Variants in CAMSAP1 observed in about 807,000 individuals in gnomAD.
CAMSAP1 encodes the protein calmodulin-regulated spectrin-associated protein 1.
In CAMSAP1, 58 loss-of-function variants were observed where a neutral mutation model predicts 143.5. The observed-to-expected ratio is 0.40, with a 90% CI of 0.33 to 0.50. The LOEUF (loss-of-function observed/expected upper bound fraction) is 0.50, where lower values mean the gene tolerates loss of function less well. CAMSAP1 is among the 20% of genes least tolerant of loss of function. The pLI, the probability that CAMSAP1 is intolerant of heterozygous loss-of-function variation, is 0.45. For synonymous variants in CAMSAP1, 945 were observed against 859.3 expected (o/e 1.10, Z -1.74); for missense variants, 1,969 against 2,115.7 (o/e 0.93, Z 1.36).
chr9:135,831,103 C>T (rs947909206), intron 7 of CAMSAP1, among the ~76,000 whole-genome samples: 14 of 151,996 alleles, frequency 9.2e-5, no homozygotes, highest in African/African-American at 2.7e-4. Context: ...ACCTGGGAGG[C>T]GGAGGCTGCA....
In CAMSAP1 at chr9:135,818,181, C is replaced by T; in HGVS notation, c.4169-102G>A. ...CTCACCTCGCCCTGCAGAGCTCGGC[C>T]ACACAGGCCGCGTCCCCACCCCATC... On this transcript the variant is annotated intron_variant, in intron 13 of 16. Coordinates refer to ENST00000389532, the MANE Select transcript of CAMSAP1 (RefSeq NM_015447.4). The surrounding 1 kb of genome is among the most constrained non-coding windows in gnomAD (Gnocchi z 7.7). 7.6e-7 allele frequency: 1 copy of T among 1,307,854 alleles called. No homozygotes were observed. Among genetic ancestry groups the T allele is most frequent in the Non-Finnish European group, 1.1e-6 (1 of 939,336 alleles). 81.0% of individuals were successfully genotyped at this position (1,307,854 alleles called of 1,614,324 possible).
chr9:135,840,086 G>A (rs1836284628), intron 7 of CAMSAP1, among the ~76,000 whole-genome samples: 1 of 152,180 alleles, frequency 6.6e-6, no homozygotes, highest in African/African-American at 2.4e-5. Flanking sequence ...TAACTACAAT[G>A]GACCCCTTGC....
chr9:135,811,255 C>A lies in CAMSAP1; in HGVS notation c.*54G>T. On this transcript the variant is annotated 3_prime_UTR_variant, in exon 17 of 17. Transcript: ENST00000389532. This position sits in a 1 kb window ranked among gnomAD's most constrained non-coding sequence, Gnocchi z 4.9. The stretch of plus-strand genomic sequence containing the variant: ...CGTGGCACCCTCTGGATGCCAGCCA[C>A]AAGGGCATCATTTACGAGTCTGGGT... The A allele has an allele frequency of 6.4e-7, 1 of 1,566,554 alleles. No homozygotes were observed. Among genetic ancestry groups the A allele is most frequent in the Non-Finnish European group, 8.7e-7 (1 of 1,152,976 alleles).
At chr9:135,897,687 A>G (rs1359230387) in intron 1 of CAMSAP1, among the ~76,000 whole-genome samples, 2 of 152,174 alleles carry the variant, frequency 1.3e-5, no homozygotes, top group Non-Finnish European at 2.9e-5. Context: ...AGATGATATC[A>G]ATGACTTACG....
chr9:135,817,544 C>T (rs1835273898), intron 14 of CAMSAP1, among the ~76,000 whole-genome samples: 1 of 151,764 alleles, frequency 6.6e-6, no homozygotes, highest in Admixed American at 6.6e-5. Flanking sequence ...GGTGCATGCC[C>T]CCACACCCAG....
At position 135,867,674 on chromosome 9, in the gene CAMSAP1, A is replaced by G. The variant is rs1435738858; in HGVS notation, c.586-1138T>C. On this transcript the variant is annotated intron_variant, in intron 3 of 16. Coordinates refer to ENST00000389532, the MANE Select transcript of CAMSAP1 (RefSeq NM_015447.4). ...ACTAACATTTTAAAGGAAAATATAA[A>G]TTACCAAAAAATCAAGAAGACTAAA... is the stretch of plus-strand genomic sequence containing the variant. 2.6e-5 allele frequency among the ~76,000 whole-genome samples: 4 copies of G among 152,356 alleles called. No homozygotes were observed. In the South Asian group the frequency reaches 6.2e-4, roughly 24 times the overall value.
chr9:135,850,051 G>T, intron 7 of CAMSAP1, 86 bp downstream of exon 7: 2 of 1,110,854 alleles, frequency 1.8e-6, no homozygotes, highest in African/African-American at 1.6e-5. Flanking sequence ...TGCTGTGCGA[G>T]AAACATGGAA....
intron 7 of CAMSAP1, among the ~76,000 whole-genome samples, chr9:135,843,594 G>A (rs926391467): frequency 2.0e-5 from 3 of 151,976 alleles, no homozygotes; most frequent in Admixed American, 6.6e-5. Context: ...AGAGCTGGCA[G>A]GGCGCAGTGG....
chr9:135,838,936 G>A (rs1320101639), intron 7 of CAMSAP1, among the ~76,000 whole-genome samples: 2 of 150,864 alleles, frequency 1.3e-5, no homozygotes, highest in Non-Finnish European at 3.0e-5. Flanking sequence ...CCATTCTTCA[G>A]AGACATATCA....
rs570968728 is a variant in CAMSAP1 at position 135,897,331 on chromosome 9, T to C, written c.160+9669A>G. Among the ~76,000 whole-genome samples the C allele has an allele frequency of 5.3e-5, 8 of 152,186 alleles. No homozygotes were observed. The East Asian group carries it at 1.5e-3, about 29-fold the overall frequency. ...ACCACACCCAGCTAATTCTTTTTTTTAATGTGGATCCTAGGTCTTGCTATG... is the reference window on the plus strand; with the variant it reads ...ACCACACCCAGCTAATTCTTTTTTTCAATGTGGATCCTAGGTCTTGCTATG... On this transcript the variant is annotated intron_variant, in intron 1 of 16. Transcript: ENST00000389532.
chr9:135,907,026 C>A lies in CAMSAP1; in HGVS notation c.134G>T (p.Trp45Leu). Reference sequence around the variant, plus strand: ...TCGGCCGTAGGCCTTGGCGCAGATCCACTGCAGGTTGGCGGCGATCTTGGC... The same window carrying A: ...TCGGCCGTAGGCCTTGGCGCAGATCAACTGCAGGTTGGCGGCGATCTTGGC... ...ARAKIAANLQ[W>L]ICAKAYGRDN... The change falls in exon 1 of 17, where the codon TGG becomes TTG. Residue 45 changes from tryptophan to leucine, a missense_variant. Physicochemically the swap from Trp to Leu is moderately conservative, Grantham distance 61. Transcript: ENST00000389532. 8.4e-7 allele frequency: 1 copy of A among 1,190,078 alleles called. No individual in the cohort carries two copies. The highest frequency in any genetic ancestry group is 1.1e-6 in the Non-Finnish European group (1 of 949,062). The allele number at this position is 1,190,078 out of a possible 1,614,324, so 73.7% of individuals were successfully genotyped here.
intron 5 of CAMSAP1, among the ~76,000 whole-genome samples, chr9:135,859,129 T>G (rs750452717): frequency 6.6e-6 from 1 of 152,208 alleles, no homozygotes. Context: ...AGTTGGTGAG[T>G]TCTCACTTTA....
chr9:135,820,350 T>C lies in CAMSAP1; in HGVS notation c.3822+489A>G, dbSNP rs1239573619. Among the ~76,000 whole-genome samples the C allele has an allele frequency of 6.6e-6, 1 of 152,200 alleles. No individual in the cohort carries two copies. The highest frequency in any genetic ancestry group is 2.4e-5 in the African/African-American group (1 of 41,444). ...CACTGACTATTAAAACAGTTCAGTT[T>C]ACGCTTCCCTTCATATCTAAGGAAA... is the stretch of plus-strand genomic sequence containing the variant. On this transcript the variant is annotated intron_variant, in intron 11 of 16. Coordinates refer to ENST00000389532, the MANE Select transcript of CAMSAP1 (RefSeq NM_015447.4). This position sits in a 1 kb window ranked among gnomAD's most constrained non-coding sequence, Gnocchi z 4.4.
chr9:135,825,980 G>A, intron 8 of CAMSAP1: 1 of 152,566 alleles, frequency 6.6e-6, no homozygotes. Context: ...ATGGCACAGG[G>A]ACCTGTGTCA....
At chr9:135,827,865 C>A (rs1835732705) in intron 7 of CAMSAP1, among the ~76,000 whole-genome samples, 1 of 152,240 alleles carries the variant, frequency 6.6e-6, no homozygotes, top group Non-Finnish European at 1.5e-5. Context: ...CACCGTCTAG[C>A]ACCCGCACAA....
Position 135,822,904 on chromosome 9 carries a change from T to A in CAMSAP1, c.1757A>T (p.Lys586Met). Residue 586 changes from lysine to methionine, a missense_variant, in exon 11 of 17, where the codon AAG becomes ATG. Coordinates refer to ENST00000389532, the MANE Select transcript of CAMSAP1 (RefSeq NM_015447.4). This position sits in a 1 kb window ranked among gnomAD's most constrained non-coding sequence, Gnocchi z 6.1. ...AGGCTCCAAGAAAAAACTGTCAGGC[T>A]TACTTTCCGAGGTGTCCAGCTGTCC... ...PQGQLDTSES[K>M]PDSFFLEPLM... 6.2e-7 allele frequency: 1 copy of A among 1,613,932 alleles called. No homozygotes were observed. Among genetic ancestry groups the A allele is most frequent in the Non-Finnish European group, 8.5e-7 (1 of 1,179,870 alleles).
At chr9:135,855,183 G>C (rs141363097) in intron 5 of CAMSAP1, among the ~76,000 whole-genome samples, 208 of 152,086 alleles carry the variant, frequency 1.4e-3, no homozygotes, top group African/African-American at 4.6e-3. Flanking sequence ...GTAGAGACAG[G>C]GTTTCACCTT....
chr9:135,836,896 C>T (rs886518978), intron 7 of CAMSAP1: 5 of 984,282 alleles, frequency 5.1e-6, no homozygotes, highest in Non-Finnish European at 6.0e-6. Flanking sequence ...ACACTTGCTA[C>T]CCATTCTACA....
In CAMSAP1 at chr9:135,847,897, GAGT is replaced by G. The variant is rs1366104416; in HGVS notation, c.1045+2237_1045+2239del. ...GAAGGGGAGGGGAGTGGGGGGAGGGGAGTGGGGGAAGGGGAGGGGAGTGGGGGA... is the reference window on the plus strand; with the variant it reads ...GAAGGGGAGGGGAGTGGGGGGAGGGGGGGGGAAGGGGAGGGGAGTGGGGGA... On this transcript the variant is annotated intron_variant, in intron 7 of 16. Transcript: ENST00000389532. Among the ~76,000 whole-genome samples the G allele has an allele frequency of 2.1e-3, 11 of 5,296 alleles. 5 individuals are homozygous for G. Among genetic ancestry groups the G allele is most frequent in the Admixed American group, 3.0e-3 (2 of 666 alleles). The allele number at this position is 5,296 out of a possible 152,430, so 3.5% of individuals were successfully genotyped here.
Sources: allele counts gnomAD v4.1 joint callset (sites outside exome capture counted in the v4.1 genomes callset), GRCh38; gene constraint gnomAD v4.1.1; non-coding constraint Gnocchi (gnomAD v3.1); transcripts MANE v1.5; gene names NCBI Gene and HGNC (gene_info 2026-07-23, HGNC 2026-07-21).